GNG2: variants seen among roughly 807,000 people sequenced by gnomAD.
The protein encoded by GNG2 is G protein subunit gamma 2.
In GNG2, 5 loss-of-function variants were observed where a neutral mutation model predicts 5.5. That is an observed-to-expected ratio of 0.91 (90% confidence interval 0.48 to 1.92). GNG2 has a LOEUF of 1.92. Among genes scored for constraint, GNG2 ranks in the 30% most tolerant of loss-of-function variants. GNG2 has a pLI of 0.01. For missense variants in GNG2, 55 were observed against 88.4 expected (o/e 0.62, Z 1.52); for synonymous variants, 28 against 32.0 (o/e 0.88, Z 0.42).
At chr14:51,872,179 G>C (rs1311017510) in intron 1 of GNG2, among the ~76,000 whole-genome samples, 1 of 152,232 alleles carries the variant, frequency 6.6e-6, no homozygotes, top group Non-Finnish European at 1.5e-5. Flanking sequence ...GAGTTTTTGA[G>C]TTGTTGCCAC....
At chr14:51,926,047 T>C (rs1031809568) in intron 2 of GNG2, among the ~76,000 whole-genome samples, 1 of 152,080 alleles carries the variant, frequency 6.6e-6, no homozygotes, top group African/African-American at 2.4e-5. Context: ...TTTTCTTTTT[T>C]TTTTAAGCTG....
At chr14:51,893,182 A>G (rs771404725) in intron 2 of GNG2, among the ~76,000 whole-genome samples, 2 of 152,144 alleles carry the variant, frequency 1.3e-5, no homozygotes, top group South Asian at 2.1e-4. Flanking sequence ...TTTAATATAT[A>G]TTACTAGATT....
intron 2 of GNG2, among the ~76,000 whole-genome samples, chr14:51,907,959 C>G (rs1416188933): frequency 6.6e-6 from 1 of 152,226 alleles, no homozygotes; most frequent in South Asian, 2.1e-4. Flanking sequence ...TGACTGGATC[C>G]TGTATTAGTT....
intron 2 of GNG2, among the ~76,000 whole-genome samples, chr14:51,899,242 A>G (rs1436838713): frequency 1.3e-5 from 2 of 151,902 alleles, no homozygotes; most frequent in Non-Finnish European, 2.9e-5. Flanking sequence ...TACCTCCATC[A>G]GCTCTTGACT....
chr14:51,926,837 A>G (rs770854362), intron 2 of GNG2, among the ~76,000 whole-genome samples: 3 of 151,958 alleles, frequency 2.0e-5, no homozygotes, highest in Non-Finnish European at 4.4e-5. Context: ...CTAATTTTTC[A>G]TGGTTGTGTG....
intron 3 of GNG2, among the ~76,000 whole-genome samples, chr14:51,959,249 C>T (rs186441575): frequency 2.1e-4 from 32 of 152,076 alleles, no homozygotes; most frequent in African/African-American, 4.3e-4. Flanking sequence ...AGCTCTAGCC[C>T]GATTATTTAT....
upstream of GNG2, among the ~76,000 whole-genome samples, chr14:51,859,417 A>C (rs1352926591): frequency 6.6e-6 from 1 of 152,176 alleles, no homozygotes; most frequent in Non-Finnish European, 1.5e-5. Flanking sequence ...GAATTGGAAA[A>C]CCAAGTACTG....
At chr14:51,902,764 T>G (rs1323378114) in intron 2 of GNG2, among the ~76,000 whole-genome samples, 2 of 152,080 alleles carry the variant, frequency 1.3e-5, no homozygotes, top group African/African-American at 4.8e-5. Flanking sequence ...AGTGCACAAC[T>G]GTAGTCTCAG....
At chr14:51,848,176 T>G (rs1881725871) in intron 2 of GNG2, among the ~76,000 whole-genome samples, 1 of 152,222 alleles carries the variant, frequency 6.6e-6, no homozygotes, top group Non-Finnish European at 1.5e-5. Context: ...AGAGCCTGAA[T>G]CCAATCTCTC....
At chr14:51,849,247 T>G (rs557868655) in intron 2 of GNG2, among the ~76,000 whole-genome samples, 2 of 152,308 alleles carry the variant, frequency 1.3e-5, no homozygotes, top group African/African-American at 4.8e-5. Context: ...ACAGGGCAAC[T>G]TGAGTGACCT....
intron 1 of GNG2, among the ~76,000 whole-genome samples, chr14:51,865,713 A>C (rs1263307163): frequency 6.6e-6 from 1 of 151,498 alleles, no homozygotes; most frequent in African/African-American, 2.4e-5. Context: ...TATTTTGTTT[A>C]AAAAAAAAGA....
At chr14:51,962,961 G>A (rs1390772068) in intron 3 of GNG2, among the ~76,000 whole-genome samples, 1 of 152,152 alleles carries the variant, frequency 6.6e-6, no homozygotes, top group African/African-American at 2.4e-5. Flanking sequence ...TGGGACCTGG[G>A]GCAAACACTT....
chr14:51,914,976 C>T (rs1326620412), intron 2 of GNG2, among the ~76,000 whole-genome samples: 1 of 152,238 alleles, frequency 6.6e-6, no homozygotes, highest in East Asian at 1.9e-4. Flanking sequence ...AAAAGCCTGT[C>T]ACTCCATGAC....
At chr14:51,913,703 G>C (rs1221237470) in intron 2 of GNG2, among the ~76,000 whole-genome samples, 5 of 152,132 alleles carry the variant, frequency 3.3e-5, no homozygotes, top group Non-Finnish European at 5.9e-5. Flanking sequence ...AAAAAGCTGT[G>C]CTCTAGATAA....
intron 2 of GNG2, among the ~76,000 whole-genome samples, chr14:51,881,104 G>A (rs1566661695): frequency 6.6e-6 from 1 of 151,982 alleles, no homozygotes; most frequent in Non-Finnish European, 1.5e-5. Flanking sequence ...GATGATGGAA[G>A]CTTTAATAAC....
At chr14:51,884,573 G>A (rs10220546) in intron 2 of GNG2, among the ~76,000 whole-genome samples, 3,417 of 152,274 alleles carry the variant, frequency 0.022, 138 homozygotes, top group African/African-American at 0.079. Flanking sequence ...TAACTGTGAG[G>A]AAGAGAGAGG....
intron 2 of GNG2, among the ~76,000 whole-genome samples, chr14:51,844,425 G>C (rs1262661449): frequency 2.0e-5 from 3 of 152,236 alleles, no homozygotes; most frequent in African/African-American, 7.2e-5. Context: ...TCACAGTGAA[G>C]AGGAGGAGGA....
At chr14:51,855,159 A>G (rs1274861945) in intron 2 of GNG2, among the ~76,000 whole-genome samples, 1 of 152,214 alleles carries the variant, frequency 6.6e-6, no homozygotes, top group Non-Finnish European at 1.5e-5. Context: ...TCAGAGAAGG[A>G]TCTGGGGGGC....
chr14:51,856,573 C>T (rs1882170582), upstream of GNG2, among the ~76,000 whole-genome samples: 1 of 152,124 alleles, frequency 6.6e-6, no homozygotes, highest in Non-Finnish European at 1.5e-5. Flanking sequence ...GTTGGGACTA[C>T]AGGCGTGCAC....
Sources: allele counts gnomAD v4.1 joint callset (sites outside exome capture counted in the v4.1 genomes callset), GRCh38; gene constraint gnomAD v4.1.1; transcripts MANE v1.5; gene names NCBI Gene and HGNC (gene_info 2026-07-23, HGNC 2026-07-21).